WDR64: variants seen among roughly 807,000 people sequenced by gnomAD.
WDR64 encodes the protein WD repeat-containing protein 64.
In WDR64, 112 loss-of-function variants were observed where a neutral mutation model predicts 139.3. That is an observed-to-expected ratio of 0.80 (90% confidence interval 0.69 to 0.94). The LOEUF is 0.94. Ranked by LOEUF, WDR64 falls within the 40% of genes least tolerant of loss-of-function variation. The probability of loss-of-function intolerance (pLI) is 0.00; values close to 1 mark genes in which losing one functional copy is unlikely to be tolerated. For synonymous variants in WDR64, 444 were observed against 437.7 expected (o/e 1.01, Z -0.18); for missense variants, 1,206 against 1,293.1 (o/e 0.93, Z 1.03).
At chr1:241,735,533 C>CTCCCTTTTTTTTTTTTTTTTTT (rs1553373537) in intron 10 of WDR64, among the ~76,000 whole-genome samples, 17 of 103,494 alleles carry the variant, frequency 1.6e-4, no homozygotes, top group African/African-American at 6.5e-4. Context: ...CTCTCTCTCT[C>CTCCCTTTTTTTTTTTTTTTTTT]TTTTTTTTTT....
At chr1:241,655,037 T>C (rs1050171894) in intron 1 of WDR64, among the ~76,000 whole-genome samples, 2 of 152,190 alleles carry the variant, frequency 1.3e-5, no homozygotes, top group Non-Finnish European at 2.9e-5. Flanking sequence ...CTCTGTAACC[T>C]TTCACTATGT....
chr1:241,659,721 T>C (rs1217969320), intron 1 of WDR64, among the ~76,000 whole-genome samples: 3 of 152,276 alleles, frequency 2.0e-5, no homozygotes, highest in East Asian at 3.9e-4. Flanking sequence ...TGAGAAGTGT[T>C]CGTTCATGTC....
At chr1:241,685,056 C>T (rs2148113030) in intron 7 of WDR64, among the ~76,000 whole-genome samples, 1 of 151,744 alleles carries the variant, frequency 6.6e-6, no homozygotes, top group East Asian at 1.9e-4. Flanking sequence ...CGTGCCTGGC[C>T]CACAGCATTA....
At chr1:241,749,904 C>CA (rs1347876926) in intron 14 of WDR64, among the ~76,000 whole-genome samples, 182 bp downstream of exon 14, 1 of 152,166 alleles carries the variant, frequency 6.6e-6, no homozygotes, top group Non-Finnish European at 1.5e-5. Flanking sequence ...GAGCAAAAAA[C>CA]AATCGCTGCC....
intron 10 of WDR64, among the ~76,000 whole-genome samples, chr1:241,730,907 T>C (rs1669052067): frequency 6.6e-6 from 1 of 152,196 alleles, no homozygotes; most frequent in Non-Finnish European, 1.5e-5. Flanking sequence ...TGAACTTGAT[T>C]GTGCAACTTG....
At chr1:241,743,739 T>A (rs1669642683) in intron 12 of WDR64, among the ~76,000 whole-genome samples, 1 of 152,214 alleles carries the variant, frequency 6.6e-6, no homozygotes, top group Non-Finnish European at 1.5e-5. Flanking sequence ...CTACTGTGTT[T>A]CCAGAGAGAG....
At chr1:241,702,531 A>T (rs1247667461) in intron 8 of WDR64, among the ~76,000 whole-genome samples, 1 of 152,094 alleles carries the variant, frequency 6.6e-6, no homozygotes, top group African/African-American at 2.4e-5. Context: ...GAAAAAAAAA[A>T]AAAGAAAGAA....
At chr1:241,795,178 C>G (rs1188111823) in intron 25 of WDR64, 29 bp from the exon 26 acceptor site, 1 of 1,603,118 alleles carries the variant, frequency 6.2e-7, no homozygotes, top group East Asian at 2.2e-5. Flanking sequence ...GTGCCCCTTT[C>G]ATTAAACATT....
intron 15 of WDR64, 76 bp from the exon 16 acceptor site, chr1:241,766,142 C>T: frequency 7.1e-7 from 1 of 1,407,108 alleles, no homozygotes; most frequent in Admixed American, 2.2e-5. Flanking sequence ...ATGACAATTA[C>T]AAAGTGTACA....
intron 8 of WDR64, among the ~76,000 whole-genome samples, chr1:241,708,704 G>GTTTTTTTTTT (rs1331215028): frequency 4.7e-5 from 2 of 42,710 alleles, no homozygotes; most frequent in African/African-American, 2.0e-4. Context: ...TTTTTTTTTT[G>GTTTTTTTTTT]TTTTTTTGTT....
At chr1:241,732,851 A>T (rs768185137) in intron 10 of WDR64, among the ~76,000 whole-genome samples, 16 of 151,978 alleles carry the variant, frequency 1.1e-4, no homozygotes, top group Admixed American at 3.9e-4. Context: ...AAAAACAAAA[A>T]ACAAAACCCA....
intron 10 of WDR64, among the ~76,000 whole-genome samples, chr1:241,730,853 T>C (rs1669049384): frequency 6.6e-6 from 1 of 152,180 alleles, no homozygotes; most frequent in Admixed American, 6.5e-5. Context: ...AGGAATGACA[T>C]AGACATCAAG....
intron 10 of WDR64, among the ~76,000 whole-genome samples, chr1:241,732,794 TG>T (rs1461347748): frequency 6.6e-6 from 1 of 151,586 alleles, no homozygotes; most frequent in Non-Finnish European, 1.5e-5. Context: ...CACTCCAGCC[TG>T]GGCAACAAGA....
chr1:241,712,596 C>T (rs958294716), intron 9 of WDR64, among the ~76,000 whole-genome samples: 36 of 152,128 alleles, frequency 2.4e-4, no homozygotes, highest in Admixed American at 2.2e-3. Context: ...CACTTGCGAG[C>T]TGTGTGGTGG....
chr1:241,732,930 A>C (rs1334475134), intron 10 of WDR64, among the ~76,000 whole-genome samples: 1 of 152,226 alleles, frequency 6.6e-6, no homozygotes, highest in Non-Finnish European at 1.5e-5. Flanking sequence ...GCCGGGAAAT[A>C]CAGTTGAATC....
intron 23 of WDR64, among the ~76,000 whole-genome samples, chr1:241,786,730 A>G: frequency 6.6e-6 from 1 of 152,184 alleles, no homozygotes; most frequent in Non-Finnish European, 1.5e-5. Context: ...GCCCATTCTA[A>G]GGCCTAATTC....
chr1:241,663,956 A>G (rs1204710381), intron 2 of WDR64, among the ~76,000 whole-genome samples: 1 of 152,192 alleles, frequency 6.6e-6, no homozygotes, highest in African/African-American at 2.4e-5. Flanking sequence ...TTTTCTAGAT[A>G]TACTGATTCA....
At chr1:241,730,070 CAT>C (rs1669019223) in intron 10 of WDR64, among the ~76,000 whole-genome samples, 1 of 152,060 alleles carries the variant, frequency 6.6e-6, no homozygotes, top group Admixed American at 6.5e-5. Context: ...TATTATAAAA[CAT>C]AAAATGTGAG....
intron 8 of WDR64, among the ~76,000 whole-genome samples, chr1:241,702,368 T>C (rs1221484745): frequency 6.6e-6 from 1 of 152,178 alleles, no homozygotes; most frequent in Non-Finnish European, 1.5e-5. Context: ...TCCCCATCTT[T>C]AAATGGTAAT....
Sources: gnomAD v4.1 joint callset for allele counts (sites outside exome capture counted in the v4.1 genomes callset) on GRCh38, gnomAD v4.1.1 for gene constraint, MANE v1.5 for transcripts, NCBI Gene and HGNC (gene_info 2026-07-23, HGNC 2026-07-21) for gene names.